Variants in TGFA observed in about 807,000 individuals in gnomAD.
The protein encoded by TGFA is transforming growth factor alpha, also known as protransforming growth factor alpha.
In TGFA, 12 loss-of-function variants were observed where a neutral mutation model predicts 21.7. The observed-to-expected ratio is 0.55, with a 90% CI of 0.35 to 0.90. The LOEUF (loss-of-function observed/expected upper bound fraction) is 0.90. Ranked by LOEUF, TGFA falls within the 40% of genes least tolerant of loss-of-function variation. TGFA has a pLI of 0.01. For synonymous variants in TGFA, 79 were observed against 88.1 expected, an observed-to-expected ratio of 0.90 and a Z score of 0.58; for missense variants, 178 against 210.8, an observed-to-expected ratio of 0.84 and a Z score of 0.96.
At chr2:70,529,648 G>A (rs1049310089) in intron 1 of TGFA, among the ~76,000 whole-genome samples, 5 of 151,352 alleles carry the variant, frequency 3.3e-5, no homozygotes, top group East Asian at 3.9e-4. Flanking sequence ...AGGGCACACC[G>A]GGAAATGAGG....
At chr2:70,553,600 A>T in intron 1 of TGFA, 128 bp downstream of exon 1, 7 of 1,315,840 alleles carry the variant, frequency 5.3e-6, no homozygotes, top group Non-Finnish European at 6.8e-6. Context: ...GCGCCAACCC[A>T]TTGAGACTAC....
At chr2:70,466,522 C>CAA (rs61645726) in intron 2 of TGFA, among the ~76,000 whole-genome samples, 1 of 151,578 alleles carries the variant, frequency 6.6e-6, no homozygotes, top group African/African-American at 2.4e-5. Flanking sequence ...CAAAAAAAAC[C>CAA]AAAAAAACAA....
At chr2:70,493,168 A>C (rs557873056) in intron 2 of TGFA, among the ~76,000 whole-genome samples, 1 of 152,330 alleles carries the variant, frequency 6.6e-6, no homozygotes, top group Non-Finnish European at 1.5e-5. Context: ...TAAACATGCC[A>C]TATACCCTGT....
intron 1 of TGFA, among the ~76,000 whole-genome samples, chr2:70,520,787 A>C (rs561109767): frequency 6.6e-6 from 1 of 152,132 alleles, no homozygotes; most frequent in South Asian, 2.1e-4. Flanking sequence ...CCCTGCTTCC[A>C]TGCCCAAACA....
chr2:70,518,912 G>C (rs976999876), intron 1 of TGFA, among the ~76,000 whole-genome samples: 1 of 152,192 alleles, frequency 6.6e-6, no homozygotes, highest in Non-Finnish European at 1.5e-5. Flanking sequence ...AATATCAAGA[G>C]CTCTACCTTT....
chr2:70,538,412 G>A (rs1462948285), intron 1 of TGFA, among the ~76,000 whole-genome samples: 2 of 152,168 alleles, frequency 1.3e-5, no homozygotes, highest in Non-Finnish European at 2.9e-5. Flanking sequence ...TCTGGGTAAA[G>A]TAAATTAAAA....
chr2:70,472,420 C>A (rs571381593), intron 2 of TGFA, among the ~76,000 whole-genome samples: 1 of 152,212 alleles, frequency 6.6e-6, no homozygotes, highest in South Asian at 2.1e-4. Flanking sequence ...GTTAACCAAA[C>A]GCACATCTTG....
At chr2:70,547,965 T>C (rs1326549250) in intron 1 of TGFA, among the ~76,000 whole-genome samples, 15 of 151,756 alleles carry the variant, frequency 9.9e-5, no homozygotes, top group African/African-American at 3.6e-4. Context: ...GGTGGAATTA[T>C]AGGTCATGAA....
At chr2:70,518,772 GGGAGGAGCATC>G (rs1363970930) in intron 1 of TGFA, among the ~76,000 whole-genome samples, 1 of 152,212 alleles carries the variant, frequency 6.6e-6, no homozygotes, top group Non-Finnish European at 1.5e-5. Flanking sequence ...GCCTGGAGCT[GGGAGGAGCATC>G]CTCTGGCCCC....
At chr2:70,473,813 T>C (rs953790743) in intron 2 of TGFA, among the ~76,000 whole-genome samples, 1 of 152,150 alleles carries the variant, frequency 6.6e-6, no homozygotes, top group Middle Eastern at 3.4e-3. Context: ...TGCAGTACCA[T>C]CATTTAAGAG....
At chr2:70,511,820 ATCTCTTCT>A (rs1282199840) in intron 2 of TGFA, among the ~76,000 whole-genome samples, 1 of 151,742 alleles carries the variant, frequency 6.6e-6, no homozygotes, top group African/African-American at 2.4e-5. Context: ...TGATTTCACT[ATCTCTTCT>A]TCTGTGGATG....
intron 1 of TGFA, among the ~76,000 whole-genome samples, chr2:70,538,700 C>T (rs1205774753): frequency 1.3e-5 from 2 of 152,188 alleles, no homozygotes; most frequent in African/African-American, 4.8e-5. Context: ...TCTGGATGAA[C>T]AAAGAAAGTG....
chr2:70,494,868 A>C (rs1671535361), intron 2 of TGFA, among the ~76,000 whole-genome samples: 1 of 152,184 alleles, frequency 6.6e-6, no homozygotes, highest in Non-Finnish European at 1.5e-5. Context: ...TTACATATTA[A>C]GGATATAAAT....
chr2:70,501,931 C>T (rs782735654), intron 2 of TGFA, among the ~76,000 whole-genome samples: 5 of 152,350 alleles, frequency 3.3e-5, no homozygotes, highest in Middle Eastern at 3.4e-3. Flanking sequence ...GTGGAGCAAG[C>T]GAGCAAGTGA....
At chr2:70,467,505 T>C (rs1670604703) in intron 2 of TGFA, 1 of 152,230 alleles carries the variant, frequency 6.6e-6, no homozygotes, top group Admixed American at 6.5e-5. Flanking sequence ...GCTTATTTTT[T>C]TCCACTCCCA....
intron 2 of TGFA, among the ~76,000 whole-genome samples, chr2:70,507,628 A>G (rs1671967498): frequency 6.6e-6 from 1 of 152,240 alleles, no homozygotes; most frequent in Admixed American, 6.5e-5. Flanking sequence ...TAAGTACGAT[A>G]GTTGGGTCAC....
rs138294178 is a variant in TGFA at position 70,539,195 on chromosome 2, C to T, written c.40+14533G>A. On this transcript the variant is annotated intron_variant, in intron 1 of 5. Transcript: ENST00000295400. ...GTGTAAACATAACTTTTATATGCAC[C>T]GGGAAACCAAAAAGTTCATGTGACT... Among the ~76,000 whole-genome samples the T allele has an allele frequency of 2.1e-3, 324 of 152,122 alleles. 6 individuals are homozygous for T. Among genetic ancestry groups the T allele is most frequent in the East Asian group, 1.4e-3 (7 of 5,180 alleles).
chr2:70,523,086 C>A (rs1403162899), intron 1 of TGFA, among the ~76,000 whole-genome samples: 1 of 152,186 alleles, frequency 6.6e-6, no homozygotes, highest in African/African-American at 2.4e-5. Flanking sequence ...GAACTGTCAT[C>A]CTTATCCAAA....
Position 70,481,199 on chromosome 2 carries a change from A to G in TGFA, c.95-15463T>C, listed in dbSNP as rs147929479. Among the ~76,000 whole-genome samples the G allele has an allele frequency of 1.4e-4, 22 of 152,286 alleles. No homozygotes were observed. In the East Asian group the frequency reaches 3.7e-3, roughly 25 times the overall value. ...AAAGAGTTGGAGGTACTCACAGCTA[A>G]CTTTCTACCCAGTCAGGGTTCTGCA... On this transcript the variant is annotated intron_variant, in intron 2 of 5. Coordinates refer to ENST00000295400, the MANE Select transcript of TGFA (RefSeq NM_003236.4).
Sources: allele counts gnomAD v4.1 joint callset (sites outside exome capture counted in the v4.1 genomes callset), GRCh38; gene constraint gnomAD v4.1.1; transcripts MANE v1.5; gene names NCBI Gene and HGNC (gene_info 2026-07-23, HGNC 2026-07-21).